NEURL4: variants seen among roughly 807,000 people sequenced by gnomAD.
The protein encoded by NEURL4 is neuralized E3 ubiquitin protein ligase 4.
A neutral mutation model predicts 148.0 loss-of-function variants in NEURL4; 45 were observed. The ratio of observed to expected loss-of-function variants is 0.30; its 90% CI spans 0.24 to 0.39. NEURL4 has a LOEUF of 0.39. NEURL4 is among the 10% of genes least tolerant of loss of function. The pLI is 1.00. For synonymous variants in NEURL4, 854 were observed against 869.0 expected, an observed-to-expected ratio of 0.98 and a Z score of 0.30; for missense variants, 1,776 against 2,144.0, an observed-to-expected ratio of 0.83 and a Z score of 3.39.
chr17:7,320,221 C>T (rs1029226465), intron 21 of NEURL4, among the ~76,000 whole-genome samples: 3 of 151,734 alleles, frequency 2.0e-5, no homozygotes, highest in African/African-American at 4.8e-5. Flanking sequence ...TAACCTCTGC[C>T]TCCCAGGTTC....
Position 7,327,755 on chromosome 17 carries a change from C to G in NEURL4, c.412G>C (p.Asp138His). Residue 138 changes from aspartate (D) to histidine (H), a missense_variant, in exon 2 of 29, where the codon GAT (aspartate) becomes CAT (histidine). Asp to His is a moderately conservative substitution (Grantham distance 81, BLOSUM62 -1). Transcript: ENST00000399464. This position sits in a 1 kb window ranked among gnomAD's most constrained non-coding sequence, Gnocchi z 6.6. ...TACTCCTCCAACACAGAGCGTCCAT[C>G]TCTCAGCACAGAGCAGCCCGACACT... ...WVVSGCSVLR[D>H]GRSVLEEYGQ... The G allele has an allele frequency of 6.2e-7, 1 of 1,614,140 alleles. No individual in the cohort carries two copies. The highest frequency in any genetic ancestry group is 8.5e-7 in the Non-Finnish European group (1 of 1,180,054).
rs945104569 is a variant in NEURL4, at chr17:7,315,696, A to G, written c.*427T>C. On this transcript the variant is annotated 3_prime_UTR_variant, in exon 29 of 29. Coordinates refer to ENST00000399464, the MANE Select transcript of NEURL4 (RefSeq NM_032442.3). ...CAGTAACAACTGTACAGAGGCCCCC[A>G]TCTTCCGTGCGCCCACCCTTCCCCA... The G allele has an allele frequency of 2.2e-6, 1 of 450,644 alleles. No homozygotes were observed. The highest frequency in any genetic ancestry group is 2.0e-5 in the African/African-American group (1 of 49,414). 27.9% of individuals were successfully genotyped at this position (450,644 alleles called of 1,614,324 possible).
chr17:7,317,662 T>A (rs1236980164), intron 26 of NEURL4, 89 bp from the exon 27 acceptor site: 15 of 1,556,122 alleles, frequency 9.6e-6, no homozygotes, highest in Non-Finnish European at 1.3e-5. Context: ...AGACAGGAAG[T>A]CCCTGGCACT....
chr17:7,321,321 C>T lies in NEURL4; in HGVS notation c.3198+40G>A. 6.2e-7 allele frequency: 1 copy of T among 1,613,774 alleles called. No homozygotes were observed. The highest frequency in any genetic ancestry group is 8.5e-7 in the Non-Finnish European group (1 of 1,179,812). Reference sequence around the variant, plus strand: ...AAAATCAGAGATCAGCAGAAGACCTCAACCATCCTCCCAGAACCCAAGGAA... The same window carrying T: ...AAAATCAGAGATCAGCAGAAGACCTTAACCATCCTCCCAGAACCCAAGGAA... On this transcript the variant is annotated intron_variant, in intron 19 of 28. Transcript: ENST00000399464. The surrounding 1 kb of genome is among the most constrained non-coding windows in gnomAD (Gnocchi z 6.3).
rs201395887 is a variant in NEURL4 at position 7,325,465 on chromosome 17, T to A, written c.1375A>T (p.Thr459Ser). 4 of 1,610,636 alleles carry A rather than the reference T, an allele frequency of 2.5e-6. No homozygotes were observed. The highest frequency in any genetic ancestry group is 3.4e-6 in the Non-Finnish European group (4 of 1,179,606). ...FINGIDQGVA[T>S]PLTPPVVYGV... ...TACACCACTGGGGGCGTCAAGGGGGTTGCCACTCCTGTGGCAGGAAGGTAC... is the reference window on the plus strand; with the variant it reads ...TACACCACTGGGGGCGTCAAGGGGGATGCCACTCCTGTGGCAGGAAGGTAC... Residue 459 changes from threonine (T) to serine (S), a missense_variant, in exon 8 of 29, where the codon ACC becomes TCC. Coordinates refer to ENST00000399464, the MANE Select transcript of NEURL4 (RefSeq NM_032442.3).
In NEURL4 at chr17:7,327,756, T is replaced by G. The variant is rs1567623694; in HGVS notation, c.411A>C (p.Arg137Ser). 6.2e-7 allele frequency: 1 copy of G among 1,613,994 alleles called. No homozygotes were observed. The highest frequency in any genetic ancestry group is 8.5e-7 in the Non-Finnish European group (1 of 1,180,012). Residue 137 changes from arginine to serine, a missense_variant, in exon 2 of 29, where the codon AGA becomes AGC. Transcript: ENST00000399464. This position sits in a 1 kb window ranked among gnomAD's most constrained non-coding sequence, Gnocchi z 6.6. ...ACTCCTCCAACACAGAGCGTCCATC[T>G]CTCAGCACAGAGCAGCCCGACACTA... The part of the protein sequence containing the change: ...SWVVSGCSVL[R>S]DGRSVLEEYG...
At position 7,327,570 on chromosome 17, in the gene NEURL4, G is replaced by A; in HGVS notation, c.597C>T (p.Cys199=). 1 of 1,611,240 alleles carries A rather than the reference G, an allele frequency of 6.2e-7. No individual in the cohort carries two copies. Among genetic ancestry groups the A allele is most frequent in the South Asian group, 1.1e-5 (1 of 91,028 alleles). ...CAGGGGGTAGCACGGTGATCTGGGT[G>A]CACTTGCCATAAAGGTCCACGACGG... ...VWAVVDLYGK[C]TQITVLPPEP... is the part of the protein sequence containing the mutation. Residue 199 remains cysteine, a synonymous_variant, in exon 2 of 29, where the codon TGC becomes TGT. Coordinates refer to ENST00000399464, the MANE Select transcript of NEURL4 (RefSeq NM_032442.3). The surrounding 1 kb of genome is among the most constrained non-coding windows in gnomAD (Gnocchi z 6.6).
chr17:7,323,505 G>A lies in NEURL4; in HGVS notation c.2397C>T (p.Asp799=), dbSNP rs1190595386. The A allele has an allele frequency of 2.5e-6, 4 of 1,614,228 alleles. No homozygotes were observed. The highest frequency in any genetic ancestry group is 3.4e-6 in the Non-Finnish European group (4 of 1,180,026). ...CCAACCTCAGCATCCATGTGTCATA[G>A]TCAATGTCTGTCATGGTGTTGGGGA... is the stretch of plus-strand genomic sequence containing the variant. ...LEFPNTMTDI[D]YDTWMLSGTA... is the part of the protein sequence containing the mutation. The change falls in exon 14 of 29, where the codon GAC becomes GAT. Residue 799 remains aspartate, a synonymous_variant. Transcript: ENST00000399464.
rs1271091180 is a variant in NEURL4 at position 7,326,112 on chromosome 17, G to A, written c.1293+143C>T. ...GAGTGCTGAACTCTTGGGCAACTCA[G>A]GCTTCTAGGAAGGAACCTTTAGGTG... is the stretch of plus-strand genomic sequence containing the variant. On this transcript the variant is annotated intron_variant, in intron 6 of 28. Coordinates refer to ENST00000399464, the MANE Select transcript of NEURL4 (RefSeq NM_032442.3). This position sits in a 1 kb window ranked among gnomAD's most constrained non-coding sequence, Gnocchi z 6.0. 1 of 747,660 alleles carries A rather than the reference G, an allele frequency of 1.3e-6. No homozygotes were observed. Among genetic ancestry groups the A allele is most frequent in the Non-Finnish European group, 2.2e-6 (1 of 446,748 alleles). The allele number at this position is 747,660 out of a possible 1,614,324, so 46.3% of individuals were successfully genotyped here.
intron 21 of NEURL4, among the ~76,000 whole-genome samples, chr17:7,319,727 A>AAAAAAAAC (rs1238599924): frequency 2.7e-5 from 1 of 36,490 alleles, no homozygotes; most frequent in Non-Finnish European, 6.4e-5. Flanking sequence ...CAAAAAAACA[A>AAAAAAAAC]AAAAAAAACA....
rs757860502 is a variant in NEURL4, at chr17:7,325,631, C to T, written c.1366+10G>A. On this transcript the variant is annotated intron_variant, in intron 7 of 28. Transcript: ENST00000399464. ...CCCCGGCCCAGAGGCTCTCTCTGGGCGGCCCTTACCCTGATCGATACCATT... is the reference window on the plus strand; with the variant it reads ...CCCCGGCCCAGAGGCTCTCTCTGGGTGGCCCTTACCCTGATCGATACCATT... The T allele has an allele frequency of 2.2e-5, 36 of 1,612,900 alleles. No individual in the cohort carries two copies. The highest frequency in any genetic ancestry group is 6.7e-5 in the Admixed American group (4 of 59,982).
chr17:7,316,088 G>A lies in NEURL4; in HGVS notation c.*35C>T. On this transcript the variant is annotated 3_prime_UTR_variant, in exon 29 of 29. Transcript: ENST00000399464. ...GCCACTCAGAGTCCATGGGCCCGCG[G>A]CCCGACTGTGCTTGTAGTAGTGGTG... The A allele has an allele frequency of 9.1e-7, 1 of 1,104,278 alleles. No individual in the cohort carries two copies. Among genetic ancestry groups the A allele is most frequent in the South Asian group, 1.2e-5 (1 of 80,896 alleles). 68.4% of individuals were successfully genotyped at this position (1,104,278 alleles called of 1,614,324 possible).
Position 7,324,661 on chromosome 17 carries a change from C to A in NEURL4, c.1813+138G>T. On this transcript the variant is annotated intron_variant, in intron 9 of 28. Coordinates refer to ENST00000399464, the MANE Select transcript of NEURL4 (RefSeq NM_032442.3). This position sits in a 1 kb window ranked among gnomAD's most constrained non-coding sequence, Gnocchi z 5.9. ...CTTCCAAGACAGCCACAGCCCTGCC[C>A]ACGGGACACTCTCTAGCCACTGAAT... The A allele has an allele frequency of 9.1e-7, 1 of 1,097,440 alleles. No homozygotes were observed. Among genetic ancestry groups the A allele is most frequent in the Non-Finnish European group, 1.3e-6 (1 of 747,822 alleles). The allele number at this position is 1,097,440 out of a possible 1,614,324, so 68.0% of individuals were successfully genotyped here. A position where few individuals can be genotyped will look rare whatever the true frequency, so the allele number is the denominator to read the frequency against.
At chr17:7,319,848 G>A (rs1000811383) in intron 21 of NEURL4, among the ~76,000 whole-genome samples, 1 of 149,836 alleles carries the variant, frequency 6.7e-6, no homozygotes, top group Non-Finnish European at 1.5e-5. Flanking sequence ...TTTTTTTATT[G>A]AGACGGAGTC....
Position 7,329,246 on chromosome 17 carries a change from C to CCCCCCCCCCCCCCCCCCCCG in NEURL4, c.66_67insCGGGGGGGGGGGGGGGGGGG (p.Gly23ArgfsTer37). 1 of 1,443,190 alleles carries CCCCCCCCCCCCCCCCCCCCG rather than the reference C, an allele frequency of 6.9e-7. No individual in the cohort carries two copies. The highest frequency in any genetic ancestry group is 9.2e-7 in the Non-Finnish European group (1 of 1,084,662). The allele number at this position is 1,443,190 out of a possible 1,614,324, so 89.4% of individuals were successfully genotyped here. Reference sequence around the variant, plus strand: ...CCTGAGCCGCTCCCGCTGGGGCCCCCACCCCCGCCCGGCCCCGGTCCAGGG... The same window carrying CCCCCCCCCCCCCCCCCCCCG: ...CCTGAGCCGCTCCCGCTGGGGCCCCCCCCCCCCCCCCCCCCCCCCGACCCCCGCCCGGCCCCGGTCCAGGG... On this transcript the variant is annotated frameshift_variant, in exon 1 of 29. Coordinates refer to ENST00000399464, the MANE Select transcript of NEURL4 (RefSeq NM_032442.3). LOFTEE classifies it high-confidence loss of function.
In NEURL4 at chr17:7,327,798, C is replaced by T. The variant is rs1329434541; in HGVS notation, c.369G>A (p.Leu123=). 5.0e-6 allele frequency: 8 copies of T among 1,613,882 alleles called. No homozygotes were observed. In the Admixed American group the frequency reaches 1.3e-4, roughly 27 times the overall value. ...CCGACACTACCCACGAGCCCCCCTT[C>T]AGGCCCGTGGCACTGCTTGGAAAGT... ...VLDFPSSATG[L]KGGSWVVSGC... The change falls in exon 2 of 29, where the codon CTG becomes CTA. Residue 123 remains leucine, a synonymous_variant. Coordinates refer to ENST00000399464, the MANE Select transcript of NEURL4 (RefSeq NM_032442.3). The surrounding 1 kb of genome is among the most constrained non-coding windows in gnomAD (Gnocchi z 6.6).
intron 21 of NEURL4, 113 bp downstream of exon 21, chr17:7,320,646 T>A: frequency 1.1e-6 from 1 of 918,408 alleles, no homozygotes; most frequent in Non-Finnish European, 1.6e-6. Flanking sequence ...CCTAGGAAGC[T>A]CATCCAAGTG....
In NEURL4 at chr17:7,320,834, C is replaced by T. The variant is rs772051684; in HGVS notation, c.3450G>A (p.Thr1150=). ...KNILLSNGNR[T]ATRVASYNQG... is the part of the protein sequence containing the mutation. ...GATTGTAGCTGGCCACCCGTGTGGC[C>T]GTACGGTTCCCATTAGACAAAAGGA... The change falls in exon 21 of 29, where the codon ACG becomes ACA. Residue 1150 remains threonine (T), a synonymous_variant. Coordinates refer to ENST00000399464, the MANE Select transcript of NEURL4 (RefSeq NM_032442.3). 3.0e-5 allele frequency: 49 copies of T among 1,613,962 alleles called. No homozygotes were observed. In the East Asian group the frequency reaches 3.6e-4, roughly 12 times the overall value.
At chr17:7,323,188 C>T in intron 14 of NEURL4, 65 bp from the exon 15 acceptor site, 1 of 1,535,584 alleles carries the variant, frequency 6.5e-7, no homozygotes, top group Non-Finnish European at 8.9e-7. Context: ...CCCCTGCCCA[C>T]TCCCTGTCTG....
Sources: allele counts gnomAD v4.1 joint callset (sites outside exome capture counted in the v4.1 genomes callset), GRCh38; gene constraint gnomAD v4.1.1; non-coding constraint Gnocchi (gnomAD v3.1); transcripts MANE v1.5; gene names NCBI Gene and HGNC (gene_info 2026-07-23, HGNC 2026-07-21).